The following RIMOC1 variants were observed in gnomAD, a reference collection of about 807,000 sequenced individuals.
RIMOC1 encodes RAB7A interacting MON1-CCZ1 complex subunit 1.
At chr5:41,906,496 G>A in the RIMOC1 span, among the ~76,000 whole-genome samples, 1 of 152,164 alleles carries the variant, frequency 6.6e-6, no homozygotes, top group Non-Finnish European at 1.5e-5. Flanking sequence ...AATCCTGCAA[G>A]TTAAACAAAA....
chr5:41,916,669 A>C, the RIMOC1 span, among the ~76,000 whole-genome samples: 1 of 152,182 alleles, frequency 6.6e-6, no homozygotes, highest in African/African-American at 2.4e-5. Context: ...TTGACTGCAG[A>C]ATTTGGGGTG....
At chr5:41,909,152 C>T in the RIMOC1 span, among the ~76,000 whole-genome samples, 1 of 152,068 alleles carries the variant, frequency 6.6e-6, no homozygotes, top group Non-Finnish European at 1.5e-5. Context: ...AACCCAGTTT[C>T]CTTAGTCTTA....
chr5:41,907,820 A>G, the RIMOC1 span: 1 of 1,606,418 alleles, frequency 6.2e-7, no homozygotes, highest in South Asian at 1.1e-5. Context: ...AATCCATCAA[A>G]TCTTCTAGAA....
the RIMOC1 span, among the ~76,000 whole-genome samples, chr5:41,905,915 C>T: frequency 6.6e-5 from 10 of 152,260 alleles, no homozygotes; most frequent in South Asian, 1.2e-3. Flanking sequence ...TAGTGGTCCA[C>T]ATTATGAGCC....
chr5:41,917,048 A>C, the RIMOC1 span: 5 of 1,610,274 alleles, frequency 3.1e-6, no homozygotes, highest in Non-Finnish European at 4.2e-6. Flanking sequence ...GCTGGCTATG[A>C]TGTACAGTGG....
At chr5:41,921,381 T>A in the RIMOC1 span, 1 of 152,088 alleles carries the variant, frequency 6.6e-6, no homozygotes, top group Non-Finnish European at 1.5e-5. Context: ...GGGTACTCCA[T>A]CTGCCACAGA....
the RIMOC1 span, chr5:41,918,443 C>T: frequency 1.0e-6 from 1 of 985,522 alleles, no homozygotes; most frequent in Non-Finnish European, 1.2e-6. Flanking sequence ...AGGCTTTCTT[C>T]CCTATCCACC....
chr5:41,906,415 T>A, the RIMOC1 span, among the ~76,000 whole-genome samples: 1 of 152,202 alleles, frequency 6.6e-6, no homozygotes, highest in African/African-American at 2.4e-5. Context: ...AGTAATTATG[T>A]CATCAATTTA....
chr5:41,916,509 C>T, the RIMOC1 span: 2 of 919,432 alleles, frequency 2.2e-6, no homozygotes, highest in Non-Finnish European at 2.6e-6. Context: ...GACTCTCAGG[C>T]ATGATTATGC....
chr5:41,908,466 A>G, the RIMOC1 span: 1 of 152,222 alleles, frequency 6.6e-6, no homozygotes, highest in African/African-American at 2.4e-5. Context: ...TTGCTAAGGG[A>G]TAATAAAACT....
chr5:41,920,533 A>G, the RIMOC1 span: 1 of 152,140 alleles, frequency 6.6e-6, no homozygotes, highest in Non-Finnish European at 1.5e-5. Flanking sequence ...AAGTTAGACA[A>G]GCATTTTAAG....
At chr5:41,921,352 C>T in the RIMOC1 span, 1 of 152,038 alleles carries the variant, frequency 6.6e-6, no homozygotes, top group Non-Finnish European at 1.5e-5. Context: ...TTACAGGGCT[C>T]CTTTTCTAGC....
chr5:41,910,544 G>C, the RIMOC1 span, among the ~76,000 whole-genome samples: 1 of 151,868 alleles, frequency 6.6e-6, no homozygotes, highest in African/African-American at 2.4e-5. Flanking sequence ...ACTGCCTGCT[G>C]ACTGTTTACT....
the RIMOC1 span, among the ~76,000 whole-genome samples, chr5:41,906,528 AGCACCTAAG>A: frequency 6.6e-6 from 1 of 152,364 alleles, no homozygotes; most frequent in East Asian, 1.9e-4. Context: ...TCTCTAAAGA[AGCACCTAAG>A]GCATGTCATA....
the RIMOC1 span, chr5:41,907,749 T>C: frequency 1.9e-5 from 31 of 1,603,842 alleles, no homozygotes; most frequent in East Asian, 6.7e-4. Flanking sequence ...ACTTTTTAAT[T>C]CGGGCCTCTG....
the RIMOC1 span, among the ~76,000 whole-genome samples, chr5:41,915,704 C>T: frequency 6.6e-6 from 1 of 152,174 alleles, no homozygotes; most frequent in Non-Finnish European, 1.5e-5. Context: ...ACCACAAGAA[C>T]AGTATGGGGG....
chr5:41,919,021 T>G, the RIMOC1 span: 1 of 152,214 alleles, frequency 6.6e-6, no homozygotes, highest in Non-Finnish European at 1.5e-5. Flanking sequence ...TTTTTTTACT[T>G]TACATATTTT....
the RIMOC1 span, chr5:41,917,905 A>C: frequency 2.8e-5 from 24 of 860,914 alleles, no homozygotes; most frequent in Non-Finnish European, 3.3e-5. Flanking sequence ...ATTTTATAAA[A>C]ATTTAAAAAT....
At chr5:41,918,693 TC>T in the RIMOC1 span, 2 of 985,300 alleles carry the variant, frequency 2.0e-6, no homozygotes, top group Non-Finnish European at 2.4e-6. Flanking sequence ...TAGGGTGGCC[TC>T]TCTCCCATTT....
Sources: gnomAD v4.1 joint callset for allele counts (sites outside exome capture counted in the v4.1 genomes callset) on GRCh38, gnomAD v4.1.1 for gene constraint, MANE v1.5 for transcripts, NCBI Gene and HGNC (gene_info 2026-07-23, HGNC 2026-07-21) for gene names.